Variants in EXOC4 observed in about 807,000 individuals in gnomAD.
The protein encoded by EXOC4 is exocyst complex component 4.
Under a neutral mutation model 107.2 loss-of-function variants are expected in EXOC4, and 71 were observed. The observed-to-expected ratio is 0.66, with a 90% CI of 0.55 to 0.81. The LOEUF (loss-of-function observed/expected upper bound fraction) is 0.81. EXOC4 is among the 30% of genes least tolerant of loss of function. EXOC4 has a pLI of 0.00. For synonymous variants in EXOC4, 456 were observed against 441.2 expected (o/e 1.03, Z -0.42); for missense variants, 1,108 against 1,189.6 (o/e 0.93, Z 1.01).
chr7:133,479,204 A>C (rs1188066395), intron 8 of EXOC4: 1 of 152,156 alleles, frequency 6.6e-6, no homozygotes, highest in East Asian at 1.9e-4. Context: ...CTCTTATCAC[A>C]TCAAAGGATT....
chr7:133,528,724 A>G (rs905059654), intron 9 of EXOC4, among the ~76,000 whole-genome samples: 2 of 152,160 alleles, frequency 1.3e-5, no homozygotes, highest in Admixed American at 1.3e-4. Flanking sequence ...TTTTAAGTCA[A>G]TTAAAAAAAA....
intron 10 of EXOC4, among the ~76,000 whole-genome samples, chr7:133,755,463 C>T (rs1272756524): frequency 6.7e-6 from 1 of 148,718 alleles, no homozygotes; most frequent in African/African-American, 2.5e-5. Flanking sequence ...CCTGCCTCAG[C>T]CTCCCAAGTA....
intron 13 of EXOC4, among the ~76,000 whole-genome samples, chr7:133,922,969 C>G (rs549140442): frequency 2.1e-5 from 3 of 141,874 alleles, no homozygotes; most frequent in Admixed American, 6.9e-5. Flanking sequence ...TCACATAGTG[C>G]TATTGTGAAT....
chr7:133,542,569 C>A (rs1003797763), intron 9 of EXOC4, among the ~76,000 whole-genome samples: 11 of 152,148 alleles, frequency 7.2e-5, no homozygotes, highest in African/African-American at 1.2e-4. Context: ...GGTAAAGGTT[C>A]TGGCTTCTGT....
At chr7:133,900,957 C>T (rs948822027) in intron 12 of EXOC4, among the ~76,000 whole-genome samples, 6 of 152,174 alleles carry the variant, frequency 3.9e-5, no homozygotes, top group Admixed American at 2.0e-4. Flanking sequence ...GCAGCCTCCG[C>T]CTCCCAGATT....
chr7:133,642,018 A>T (rs1421550729), intron 10 of EXOC4, among the ~76,000 whole-genome samples: 1 of 152,154 alleles, frequency 6.6e-6, no homozygotes, highest in Non-Finnish European at 1.5e-5. Flanking sequence ...TCAACTCATT[A>T]TATTTTCTTT....
chr7:133,885,253 G>A (rs938399184), intron 11 of EXOC4, among the ~76,000 whole-genome samples: 2 of 151,604 alleles, frequency 1.3e-5, no homozygotes, highest in African/African-American at 2.4e-5. Context: ...GACGGAGGTT[G>A]CAGTGAGCCA....
At chr7:133,876,945 G>A (rs976835220) in intron 11 of EXOC4, among the ~76,000 whole-genome samples, 4 of 151,992 alleles carry the variant, frequency 2.6e-5, no homozygotes, top group Non-Finnish European at 4.4e-5. Context: ...TGAGCTGCTT[G>A]AATCTGTGGG....
chr7:133,277,454 T>G (rs1363686442), intron 2 of EXOC4, among the ~76,000 whole-genome samples: 1 of 152,234 alleles, frequency 6.6e-6, no homozygotes, highest in Non-Finnish European at 1.5e-5. Flanking sequence ...ATTTCTGCTT[T>G]GCTTCCCATC....
intron 9 of EXOC4, among the ~76,000 whole-genome samples, chr7:133,586,217 G>C (rs1417562916): frequency 1.3e-5 from 2 of 152,092 alleles, no homozygotes; most frequent in African/African-American, 4.8e-5. Context: ...TAGGTGGTTT[G>C]ATGATCTTCA....
At chr7:133,360,861 A>G (rs188530213) in intron 6 of EXOC4, among the ~76,000 whole-genome samples, 1 of 152,350 alleles carries the variant, frequency 6.6e-6, no homozygotes, top group Admixed American at 6.5e-5. Flanking sequence ...ATAAAACTAA[A>G]TTTTAATATT....
At chr7:133,336,460 C>A (rs1267535013) in intron 5 of EXOC4, among the ~76,000 whole-genome samples, 1 of 152,108 alleles carries the variant, frequency 6.6e-6, no homozygotes, top group Admixed American at 6.6e-5. Flanking sequence ...TTCCCACCAC[C>A]AGTACATCAC....
chr7:133,997,334 A>T (rs1718783543), intron 14 of EXOC4, among the ~76,000 whole-genome samples, 158 bp from the exon 15 acceptor site: 1 of 152,238 alleles, frequency 6.6e-6, no homozygotes, highest in South Asian at 2.1e-4. Context: ...TGTGTAATCA[A>T]ATATAGAAAT....
intron 9 of EXOC4, among the ~76,000 whole-genome samples, chr7:133,528,935 G>C (rs966632339): frequency 6.6e-6 from 1 of 152,080 alleles, no homozygotes; most frequent in African/African-American, 2.4e-5. Context: ...CTGGAGTTTT[G>C]TATATGGATA....
In EXOC4 at chr7:133,817,373, G is replaced by A. The variant is rs1291893862; in HGVS notation, c.1563G>A (p.Gln521=). 6.2e-7 allele frequency: 1 copy of A among 1,614,016 alleles called. No homozygotes were observed. The highest frequency in any genetic ancestry group is 8.5e-7 in the Non-Finnish European group (1 of 1,180,022). ...CTCTGGGTCTTGGCCCAGCCAAACA[G>A]TGTCCTCTTCGAGAGTTTCTCACCG... is the stretch of plus-strand genomic sequence containing the variant. ...EHALGLGPAK[Q]CPLREFLTVY... The change falls in exon 11 of 18, where the codon CAG becomes CAA. Residue 521 remains glutamine (Q), a synonymous_variant. Transcript: ENST00000253861.
At chr7:133,821,877 GTGAA>G in intron 11 of EXOC4, among the ~76,000 whole-genome samples, 1 of 152,312 alleles carries the variant, frequency 6.6e-6, no homozygotes, top group South Asian at 2.1e-4. Flanking sequence ...GAATGAATGA[GTGAA>G]TGAAAATGAA....
intron 17 of EXOC4, among the ~76,000 whole-genome samples, chr7:134,040,219 C>A (rs1795483364): frequency 6.6e-6 from 1 of 152,182 alleles, no homozygotes; most frequent in Non-Finnish European, 1.5e-5. Flanking sequence ...GAATTTTTTG[C>A]CCAATCCTTA....
chr7:133,775,992 A>T (rs1797518678), intron 10 of EXOC4, among the ~76,000 whole-genome samples: 1 of 152,162 alleles, frequency 6.6e-6, no homozygotes, highest in African/African-American at 2.4e-5. Flanking sequence ...GTCTTAATAG[A>T]CTTAAGATTT....
intron 16 of EXOC4, 96 bp from the exon 17 acceptor site, chr7:134,007,580 A>C: frequency 8.7e-7 from 1 of 1,150,878 alleles, no homozygotes; most frequent in Non-Finnish European, 1.2e-6. Flanking sequence ...AAATGTATAG[A>C]GGATTAGAAG....
Sources: gnomAD v4.1 joint callset for allele counts (sites outside exome capture counted in the v4.1 genomes callset) on GRCh38, gnomAD v4.1.1 for gene constraint, MANE v1.5 for transcripts, NCBI Gene and HGNC (gene_info 2026-07-23, HGNC 2026-07-21) for gene names.